The following LDLRAD3 variants were observed in gnomAD, a reference collection of about 807,000 sequenced individuals.
LDLRAD3 encodes the protein low density lipoprotein receptor class A domain containing 3.
In LDLRAD3, 20 loss-of-function variants were observed where a neutral mutation model predicts 29.4. The ratio of observed to expected loss-of-function variants is 0.68; its 90% CI spans 0.48 to 0.99. The LOEUF (loss-of-function observed/expected upper bound fraction) is 0.99, where lower values mean the gene tolerates loss of function less well. Among genes scored for constraint, LDLRAD3 ranks in the 50% least tolerant of loss-of-function variants. LDLRAD3 has a pLI of 0.00. For synonymous variants in LDLRAD3, 157 were observed against 192.7 expected (o/e 0.81, Z 1.53); for missense variants, 420 against 454.3 (o/e 0.92, Z 0.69).
intron 1 of LDLRAD3, among the ~76,000 whole-genome samples, chr11:36,001,920 A>T (rs1036138305): frequency 3.9e-5 from 6 of 152,158 alleles, no homozygotes; most frequent in African/African-American, 1.4e-4. Flanking sequence ...GTATAGTTTT[A>T]AAATTATTAG....
intron 4 of LDLRAD3, among the ~76,000 whole-genome samples, chr11:36,129,595 G>T (rs1157755900): frequency 6.6e-6 from 1 of 152,170 alleles, no homozygotes; most frequent in African/African-American, 2.4e-5. Flanking sequence ...GGAGCCACAG[G>T]CATGACTTAG....
chr11:36,230,440 G>A lies in LDLRAD3; in HGVS notation c.*1043G>A, dbSNP rs1855560001. The A allele has an allele frequency of 6.5e-6, 1 of 152,706 alleles. No individual in the cohort carries two copies. 9.5% of individuals were successfully genotyped at this position (152,706 alleles called of 1,614,324 possible). ...TTGAGGACACTGGTTTCTATCACAG[G>A]TGAGAGCCATGTTCAATACCTCCAG... On this transcript the variant is annotated 3_prime_UTR_variant, in exon 6 of 6. Coordinates refer to ENST00000315571, the MANE Select transcript of LDLRAD3 (RefSeq NM_174902.4).
intron 3 of LDLRAD3, among the ~76,000 whole-genome samples, chr11:36,095,784 C>G (rs193052721): frequency 1.3e-5 from 2 of 152,140 alleles, no homozygotes; most frequent in African/African-American, 4.8e-5. Flanking sequence ...ATGAACGCCC[C>G]GTCTTGGAGC....
At chr11:35,966,001 C>T (rs916333888) in intron 1 of LDLRAD3, among the ~76,000 whole-genome samples, 25 of 152,322 alleles carry the variant, frequency 1.6e-4, no homozygotes, top group Admixed American at 1.6e-3. Context: ...TTACTACTGA[C>T]CTACTGAATT....
At chr11:36,175,639 A>G (rs770156410) in intron 4 of LDLRAD3, among the ~76,000 whole-genome samples, 1 of 152,168 alleles carries the variant, frequency 6.6e-6, no homozygotes, top group African/African-American at 2.4e-5. Context: ...TTTGGAGTCA[A>G]TTTCCAATTT....
chr11:35,988,615 G>C (rs756255505), intron 1 of LDLRAD3, among the ~76,000 whole-genome samples: 1 of 149,832 alleles, frequency 6.7e-6, no homozygotes, highest in South Asian at 2.1e-4. Flanking sequence ...TTGGAGTCTT[G>C]CTCTATCACC....
At chr11:36,093,987 A>G (rs1853321563) in intron 3 of LDLRAD3, among the ~76,000 whole-genome samples, 1 of 152,238 alleles carries the variant, frequency 6.6e-6, no homozygotes, top group Admixed American at 6.5e-5. Context: ...AGGTATATGT[A>G]AAATAGGTGA....
At chr11:36,038,751 C>G (rs2133212333) in intron 2 of LDLRAD3, among the ~76,000 whole-genome samples, 1 of 152,284 alleles carries the variant, frequency 6.6e-6, no homozygotes, top group African/African-American at 2.4e-5. Context: ...CTACCCTTAA[C>G]CCCCAAGTGT....
chr11:36,005,630 TCTGGTA>T (rs1851875750), intron 1 of LDLRAD3, among the ~76,000 whole-genome samples: 11 of 152,204 alleles, frequency 7.2e-5, no homozygotes, highest in African/African-American at 2.7e-4. Flanking sequence ...TTTCACATGT[TCTGGTA>T]TCTTTACAGC....
chr11:36,043,056 A>G (rs1852402965), intron 2 of LDLRAD3, among the ~76,000 whole-genome samples: 1 of 152,226 alleles, frequency 6.6e-6, no homozygotes, highest in Admixed American at 6.5e-5. Context: ...TTATGCCTGT[A>G]ATCCCAGCAC....
intron 1 of LDLRAD3, among the ~76,000 whole-genome samples, chr11:35,985,382 G>C (rs1851602160): frequency 6.6e-6 from 1 of 152,110 alleles, no homozygotes; most frequent in Admixed American, 6.5e-5. Context: ...CTCGGGGAGA[G>C]GATATTTTTG....
intron 4 of LDLRAD3, chr11:36,101,969 A>C (rs1191539230): frequency 4.0e-6 from 1 of 247,146 alleles, no homozygotes; most frequent in Admixed American, 5.3e-5. Context: ...GCTCACTGCA[A>C]GCTCCGCCTC....
At chr11:35,962,967 C>T (rs1391042201) in intron 1 of LDLRAD3, among the ~76,000 whole-genome samples, 3 of 152,092 alleles carry the variant, frequency 2.0e-5, no homozygotes, top group Non-Finnish European at 4.4e-5. Context: ...CAGAAGAAGA[C>T]ATAATCAAAA....
rs138525157 is a variant in LDLRAD3 at position 36,157,088 on chromosome 11, TA to T, written c.454+58630del. Among the ~76,000 whole-genome samples, 661 of 152,290 alleles carry T rather than the reference TA, an allele frequency of 4.3e-3. 1 individual carries two copies. The highest frequency in any genetic ancestry group is 6.7e-3 in the Non-Finnish European group (454 of 68,024). ...ATAGAAGCAGCAATTTTAGGCAATT[TA>T]AACAATTCTATTAAGGGCAATCTTT... On this transcript the variant is annotated intron_variant, in intron 4 of 5. Transcript: ENST00000315571.
In LDLRAD3 at chr11:36,135,681, G is replaced by A. The variant is rs543681846; in HGVS notation, c.454+37220G>A. ...CCCCAGCACTTTGGGAAGCCGAGGC[G>A]GGCGGATCACTTGAGGCCAGGAGTT... On this transcript the variant is annotated intron_variant, in intron 4 of 5. Coordinates refer to ENST00000315571, the MANE Select transcript of LDLRAD3 (RefSeq NM_174902.4). 1.8e-4 allele frequency among the ~76,000 whole-genome samples: 27 copies of A among 152,252 alleles called. 1 individual carries two copies. The South Asian group carries it at 5.0e-3, about 28-fold the overall frequency.
At chr11:36,217,367 G>C (rs1855367103) in intron 4 of LDLRAD3, among the ~76,000 whole-genome samples, 1 of 152,144 alleles carries the variant, frequency 6.6e-6, no homozygotes, top group Admixed American at 6.5e-5. Context: ...AGAACTTAAT[G>C]GTAAGATAGC....
At chr11:36,166,671 G>A (rs1191164598) in intron 4 of LDLRAD3, among the ~76,000 whole-genome samples, 1 of 152,118 alleles carries the variant, frequency 6.6e-6, no homozygotes, top group African/African-American at 2.4e-5. Flanking sequence ...CTTTTACAAT[G>A]TCTAGACTTC....
intron 4 of LDLRAD3, among the ~76,000 whole-genome samples, chr11:36,191,599 T>TATACACACACAC (rs1554972506): frequency 1.1e-5 from 1 of 93,146 alleles, no homozygotes; most frequent in African/African-American, 4.5e-5. Context: ...TATATATATA[T>TATACACACACAC]ACACACACAC....
Position 36,149,488 on chromosome 11 carries a change from C to G in LDLRAD3, c.454+51027C>G, listed in dbSNP as rs148534276. Reference sequence around the variant, plus strand: ...GAAGGCCCCAGAAAGACAAATGATTCAAGAAGCACCGTCTGTGTCTGAGAC... The same window carrying G: ...GAAGGCCCCAGAAAGACAAATGATTGAAGAAGCACCGTCTGTGTCTGAGAC... On this transcript the variant is annotated intron_variant, in intron 4 of 5. Coordinates refer to ENST00000315571, the MANE Select transcript of LDLRAD3 (RefSeq NM_174902.4). Among the ~76,000 whole-genome samples, 425 of 152,246 alleles carry G rather than the reference C, an allele frequency of 2.8e-3. 5 individuals carry two copies. The East Asian group carries it at 0.031, about 11-fold the overall frequency.
Sources: gnomAD v4.1 joint callset for allele counts (sites outside exome capture counted in the v4.1 genomes callset) on GRCh38, gnomAD v4.1.1 for gene constraint, MANE v1.5 for transcripts, NCBI Gene and HGNC (gene_info 2026-07-23, HGNC 2026-07-21) for gene names.